CRTAM: variants seen among roughly 807,000 people sequenced by gnomAD.
CRTAM encodes cytotoxic and regulatory T-cell molecule.
A neutral mutation model predicts 50.0 loss-of-function variants in CRTAM; 44 were observed. That is an observed-to-expected ratio of 0.88 (90% confidence interval 0.69 to 1.13). CRTAM has a LOEUF of 1.13. Ranked by LOEUF, CRTAM falls within the 50% of genes most tolerant of loss-of-function variation. CRTAM has a pLI of 0.00. For synonymous variants in CRTAM, 159 were observed against 169.3 expected (o/e 0.94, Z 0.47); for missense variants, 448 against 457.5 (o/e 0.98, Z 0.19).
At chr11:122,851,317 T>C (rs12280357) in intron 2 of CRTAM, among the ~76,000 whole-genome samples, 1,801 of 152,080 alleles carry the variant, frequency 0.012, 42 homozygotes, top group African/African-American at 0.041. Flanking sequence ...GATACTGATA[T>C]GTTAACATAA....
chr11:122,855,236 G>T (rs912345439), intron 4 of CRTAM, among the ~76,000 whole-genome samples: 5 of 152,150 alleles, frequency 3.3e-5, no homozygotes, highest in African/African-American at 1.2e-4. Context: ...GAGCCACTGC[G>T]CCCGGCCTGT....
rs1491218105 is a variant in CRTAM at position 122,861,361 on chromosome 11, T to TATATACAC, written c.653-1102_653-1101insTATACACA. Among the ~76,000 whole-genome samples, 3 of 94,174 alleles carry TATATACAC rather than the reference T, an allele frequency of 3.2e-5. No homozygotes were observed. The Admixed American group carries it at 3.3e-4, about 10-fold the overall frequency. The allele number at this position is 94,174 out of a possible 152,430, so 61.8% of individuals were successfully genotyped here. ...TGTGACGTGTCAGTATATATATATA[T>TATATACAC]ACACACACACACACATACATATACG... On this transcript the variant is annotated intron_variant, in intron 5 of 9. Transcript: ENST00000227348.
At chr11:122,868,364 C>T (rs1862209444) in intron 9 of CRTAM, among the ~76,000 whole-genome samples, 1 of 152,016 alleles carries the variant, frequency 6.6e-6, no homozygotes, top group Non-Finnish European at 1.5e-5. Flanking sequence ...GTTCAAAGGC[C>T]TGAGAACTCA....
chr11:122,871,339 A>G lies in CRTAM; in HGVS notation c.1122A>G (p.Glu374=), dbSNP rs764693469. 1.5e-5 allele frequency: 25 copies of G among 1,613,838 alleles called. No homozygotes were observed. Among genetic ancestry groups the G allele is most frequent in the Middle Eastern group, 1.7e-4 (1 of 6,048 alleles). ...CAGAAGCAAAAACAAAGAGGAAGGA[A>G]AATGTACAACATTCAAAATTAGAAG... ...LYSEAKTKRK[E]NVQHSKLEEK... Residue 374 remains glutamate, a synonymous_variant, in exon 10 of 10, where the codon GAA becomes GAG. Coordinates refer to ENST00000227348, the MANE Select transcript of CRTAM (RefSeq NM_019604.4).
At chr11:122,862,397 T>C (rs1377546647) in intron 5 of CRTAM, 67 bp from the exon 6 acceptor site, 1 of 989,636 alleles carries the variant, frequency 1.0e-6, no homozygotes, top group Admixed American at 1.7e-5. Context: ...CCAATCTCTT[T>C]TACTGAGCAC....
chr11:122,839,693 A>G (rs1861776470), intron 1 of CRTAM, among the ~76,000 whole-genome samples: 1 of 152,150 alleles, frequency 6.6e-6, no homozygotes, highest in Non-Finnish European at 1.5e-5. Flanking sequence ...TGCAAAGGAC[A>G]TCCCTCACAA....
chr11:122,857,030 C>T (rs1310097126), intron 5 of CRTAM, among the ~76,000 whole-genome samples: 2 of 152,014 alleles, frequency 1.3e-5, no homozygotes. Flanking sequence ...ATAGGAGAAC[C>T]AACAATGTCG....
intron 3 of CRTAM, among the ~76,000 whole-genome samples, 196 bp downstream of exon 3, chr11:122,852,041 T>C (rs1861937076): frequency 6.6e-6 from 1 of 152,198 alleles, no homozygotes; most frequent in Non-Finnish European, 1.5e-5. Flanking sequence ...TGTGAACTTG[T>C]GAAATTTGTC....
intron 9 of CRTAM, among the ~76,000 whole-genome samples, 177 bp from the exon 10 acceptor site, chr11:122,871,092 G>A (rs7342169): frequency 0.13 from 19,585 of 151,760 alleles, 1,450 homozygotes; most frequent in African/African-American, 0.19. Flanking sequence ...AAAAAACCAC[G>A]AAAAACAAAA....
intron 2 of CRTAM, 123 bp from the exon 3 acceptor site, chr11:122,851,570 T>C (rs1189050876): frequency 7.1e-6 from 6 of 849,232 alleles, no homozygotes; most frequent in Non-Finnish European, 1.2e-5. Flanking sequence ...GGACAATGTC[T>C]GGAGATAGTT....
At chr11:122,847,322 C>T (rs977560776) in intron 1 of CRTAM, among the ~76,000 whole-genome samples, 5 of 152,080 alleles carry the variant, frequency 3.3e-5, no homozygotes, top group African/African-American at 9.7e-5. Context: ...AACAGCTCCT[C>T]GGTGCAACAG....
chr11:122,861,420 ATTTTTTTT>A (rs66619023), intron 5 of CRTAM, among the ~76,000 whole-genome samples: 32 of 25,590 alleles, frequency 1.3e-3, no homozygotes, highest in African/African-American at 4.3e-3. Flanking sequence ...ATATATATAT[ATTTTTTTT>A]TTTTTTTTTT....
In CRTAM at chr11:122,871,414, G is replaced by T; in HGVS notation, c.*15G>T. 2.5e-6 allele frequency: 4 copies of T among 1,602,936 alleles called. No homozygotes were observed. The highest frequency in any genetic ancestry group is 2.3e-5 in the South Asian group (2 of 88,702). ...GTATTGTGTAGTGCTCTCTGCAATG[G>T]AACATGTGATTTCAGGGTTGCCGCA... On this transcript the variant is annotated 3_prime_UTR_variant, in exon 10 of 10. Coordinates refer to ENST00000227348, the MANE Select transcript of CRTAM (RefSeq NM_019604.4).
At chr11:122,844,797 A>G (rs939702738) in intron 1 of CRTAM, among the ~76,000 whole-genome samples, 18 of 152,242 alleles carry the variant, frequency 1.2e-4, no homozygotes, top group Admixed American at 9.2e-4. Context: ...TCTGGATTCA[A>G]ATCTTGGCTC....
In CRTAM at chr11:122,867,477, T is replaced by A. The variant is rs1862193550; in HGVS notation, c.886T>A (p.Phe296Ile). ...CATCCTGCTGCTCACGCTGGTGTCC[T>A]TCCTCATTTTCATACTCTTCATCAT... ...SGILLLTLVSFLIFILFIIVQ... is the reference protein window; with the variant it reads ...SGILLLTLVSILIFILFIIVQ... Residue 296 changes from phenylalanine to isoleucine, a missense_variant, in exon 8 of 10, where the codon TTC becomes ATC. Physicochemically the swap from Phe to Ile is conservative, Grantham distance 21. Transcript: ENST00000227348. 1.2e-6 allele frequency: 2 copies of A among 1,614,146 alleles called. No homozygotes were observed. The highest frequency in any genetic ancestry group is 2.7e-5 in the African/African-American group (2 of 75,046).
At chr11:122,849,154 C>T (rs376466189) in intron 1 of CRTAM, among the ~76,000 whole-genome samples, 320 of 152,266 alleles carry the variant, frequency 2.1e-3, no homozygotes, top group African/African-American at 7.3e-3. Context: ...AGGGTAACTC[C>T]GCAGTTCACC....
intron 6 of CRTAM, among the ~76,000 whole-genome samples, chr11:122,863,355 G>GAAAGAAAGAA (rs1862123720): frequency 1.4e-4 from 7 of 48,936 alleles, no homozygotes; most frequent in African/African-American, 3.0e-4. Context: ...GAAAGAAAAA[G>GAAAGAAAGAA]AAAGAAAGAA....
chr11:122,869,187 CTGTT>C (rs893111921), intron 9 of CRTAM, among the ~76,000 whole-genome samples: 2 of 152,114 alleles, frequency 1.3e-5, no homozygotes, highest in Non-Finnish European at 2.9e-5. Context: ...CCATCCTTGA[CTGTT>C]TGACGTCACA....
chr11:122,866,667 C>G (rs907835431), intron 7 of CRTAM, among the ~76,000 whole-genome samples: 1 of 151,368 alleles, frequency 6.6e-6, no homozygotes, highest in Non-Finnish European at 1.5e-5. Flanking sequence ...TGCAGTTTCA[C>G]AGTCATAGCT....
Sources: allele counts gnomAD v4.1 joint callset (sites outside exome capture counted in the v4.1 genomes callset), GRCh38; gene constraint gnomAD v4.1.1; transcripts MANE v1.5; gene names NCBI Gene and HGNC (gene_info 2026-07-23, HGNC 2026-07-21).